Variants in PODN observed in about 807,000 individuals in gnomAD.
PODN encodes the protein podocan, also known as podocan proteoglycan.
PODN carries 40 observed loss-of-function variants against 52.7 expected under a neutral mutation model. The ratio of observed to expected loss-of-function variants is 0.76; its 90% CI spans 0.59 to 0.99. The LOEUF (loss-of-function observed/expected upper bound fraction) is 0.99. Among genes scored for constraint, PODN ranks in the 50% least tolerant of loss-of-function variants. PODN has a pLI of 0.00. For missense variants in PODN, 720 were observed against 815.1 expected, an observed-to-expected ratio of 0.88 and a Z score of 1.42; for synonymous variants, 396 against 377.9, an observed-to-expected ratio of 1.05 and a Z score of -0.56.
intron 3 of PODN, among the ~76,000 whole-genome samples, chr1:53,072,088 AAAAATAAAATAATAT>A (rs1188716740): frequency 2.7e-5 from 4 of 150,094 alleles, no homozygotes; most frequent in African/African-American, 9.7e-5. Flanking sequence ...AAAATAAATA[AAAAATAAAATAATAT>A]AAAATAAAAT....
At chr1:53,081,074 C>T (rs1249615361) in intron 9 of PODN, among the ~76,000 whole-genome samples, 198 bp downstream of exon 9, 2 of 152,246 alleles carry the variant, frequency 1.3e-5, no homozygotes, top group Non-Finnish European at 2.9e-5. Flanking sequence ...ACGTTAGAAG[C>T]CAGTGCGCAT....
At chr1:53,073,243 C>T (rs1644145676) in intron 3 of PODN, 2 of 216,606 alleles carry the variant, frequency 9.2e-6, no homozygotes, top group Non-Finnish European at 2.0e-5. Context: ...GTTTCCCATG[C>T]TCTTCAATTT....
At position 53,082,167 on chromosome 1, in the gene PODN, A is replaced by C; in HGVS notation, c.*6A>C. 1.3e-6 allele frequency: 2 copies of C among 1,595,142 alleles called. No homozygotes were observed. Among genetic ancestry groups the C allele is most frequent in the Non-Finnish European group, 1.7e-6 (2 of 1,171,414 alleles). ...AGGAAGAGGAAACAAGATAGTGACA[A>C]GGTGATGCAGATGTGACCTAGGTAT... On this transcript the variant is annotated 3_prime_UTR_variant, in exon 10 of 11. Transcript: ENST00000312553.
At chr1:53,076,080 T>TGAGTG in intron 5 of PODN, 109 bp downstream of exon 5, 1 of 958,520 alleles carries the variant, frequency 1.0e-6, no homozygotes, top group Non-Finnish European at 1.6e-6. Context: ...GGCCCTGCAC[T>TGAGTG]CAGGGCTGTG....
In PODN at chr1:53,071,574, C is replaced by T. The variant is rs369047168; in HGVS notation, c.352C>T (p.Arg118Trp). The T allele has an allele frequency of 4.4e-5, 71 of 1,613,890 alleles. No individual in the cohort carries two copies. The highest frequency in any genetic ancestry group is 2.7e-4 in the African/African-American group (20 of 74,936). Reference sequence around the variant, plus strand: ...AAAGATCTACCCTGAGGAGCTCTCCCGGCTGCACCGGCTGGAGACGCTGAA... The same window carrying T: ...AAAGATCTACCCTGAGGAGCTCTCCTGGCTGCACCGGCTGGAGACGCTGAA... ...LEKIYPEELSRLHRLETLNLQ... is the reference protein window; with the variant it reads ...LEKIYPEELSWLHRLETLNLQ... The change falls in exon 3 of 11, where the codon CGG becomes TGG. Residue 118 changes from arginine (R) to tryptophan (W), a missense_variant. Physicochemically the swap from Arg to Trp is moderately radical, Grantham distance 101. Coordinates refer to ENST00000312553, the MANE Select transcript of PODN (RefSeq NM_153703.5).
intron 4 of PODN, among the ~76,000 whole-genome samples, 164 bp from the exon 5 acceptor site, chr1:53,075,693 GGTTTT>G (rs1644184100): frequency 6.6e-6 from 1 of 152,106 alleles, no homozygotes; most frequent in Non-Finnish European, 1.5e-5. Context: ...CAGCCAGAGA[GGTTTT>G]GTTTTTGTTT....
chr1:53,063,318 G>A, intron 1 of PODN: 3 of 978,336 alleles, frequency 3.1e-6, no homozygotes, highest in Non-Finnish European at 3.6e-6. Context: ...TGCTCACCCA[G>A]CGCTTGGAGT....
rs892195355 is a variant in PODN at position 53,085,073 on chromosome 1, A to C, written c.*588A>C. 1.3e-5 allele frequency: 2 copies of C among 152,308 alleles called. No homozygotes were observed. Among genetic ancestry groups the C allele is most frequent in the African/African-American group, 4.8e-5 (2 of 41,458 alleles). The allele number at this position is 152,308 out of a possible 1,614,324, so 9.4% of individuals were successfully genotyped here. A position where few individuals can be genotyped will look rare whatever the true frequency, so the allele number is the denominator to read the frequency against. On this transcript the variant is annotated 3_prime_UTR_variant, in exon 11 of 11. Coordinates refer to ENST00000312553, the MANE Select transcript of PODN (RefSeq NM_153703.5). ...AGGTGCCTGCCACCCTCTGGAACTC[A>C]CAAAAGCTGGCTTTTATTCCTTTCC...
chr1:53,066,995 TG>T, intron 1 of PODN: 1 of 845,366 alleles, frequency 1.2e-6, no homozygotes, highest in Non-Finnish European at 1.8e-6. Flanking sequence ...CGGACTACAG[TG>T]GGGTCAGATG....
At position 53,077,199 on chromosome 1, in the gene PODN, C is replaced by A; in HGVS notation, c.591C>A (p.Tyr197Ter). 6.2e-7 allele frequency: 1 copy of A among 1,613,226 alleles called. No individual in the cohort carries two copies. Among genetic ancestry groups the A allele is most frequent in the Non-Finnish European group, 8.5e-7 (1 of 1,179,954 alleles). ...GTGCCTTGACCCCCAGGTCTGTGTA[C>A]CTGCACAACAACAAGCTGGCAGACG... ...FGQKPNLRSV[Y>*]LHNNKLADAG... Residue 197 changes from tyrosine to a stop codon, truncating the protein, a stop_gained, in exon 6 of 11, where the codon TAC becomes TAA. Transcript: ENST00000312553. LOFTEE classifies it high-confidence loss of function.
chr1:53,080,946 G>A, intron 9 of PODN, 70 bp downstream of exon 9: 16 of 1,576,068 alleles, frequency 1.0e-5, no homozygotes, highest in African/African-American at 1.3e-5. Context: ...GACAGTTGAT[G>A]CACGTGGGAA....
At chr1:53,067,036 C>T (rs183330181) in intron 1 of PODN, among the ~76,000 whole-genome samples, 4 of 152,236 alleles carry the variant, frequency 2.6e-5, no homozygotes, top group Admixed American at 1.3e-4. Context: ...TTGAGCTGGC[C>T]GTGGAGTTTA....
intron 7 of PODN, among the ~76,000 whole-genome samples, 174 bp from the exon 8 acceptor site, chr1:53,078,191 C>A (rs1644224794): frequency 2.0e-5 from 3 of 152,240 alleles, no homozygotes; most frequent in South Asian, 4.1e-4. Context: ...ATCCTTCCTA[C>A]ACCAGAATAT....
intron 8 of PODN, among the ~76,000 whole-genome samples, chr1:53,079,712 T>A (rs745875066): frequency 2.5e-4 from 38 of 152,184 alleles, no homozygotes; most frequent in Non-Finnish European, 4.0e-4. Context: ...GAAAGAGAAA[T>A]CCACTCTATA....
chr1:53,076,088 G>C, intron 5 of PODN, 117 bp downstream of exon 5: 1 of 856,954 alleles, frequency 1.2e-6, no homozygotes, highest in Admixed American at 2.1e-5. Flanking sequence ...ACTCAGGGCT[G>C]TGGTGGAGGG....
chr1:53,076,368 G>A (rs1644195107), intron 5 of PODN, among the ~76,000 whole-genome samples: 2 of 152,192 alleles, frequency 1.3e-5, no homozygotes, highest in Non-Finnish European at 1.5e-5. Context: ...TTTGGGGGCT[G>A]GACAACCCCA....
intron 1 of PODN, among the ~76,000 whole-genome samples, chr1:53,068,154 C>T (rs1180526896): frequency 6.6e-6 from 1 of 152,174 alleles, no homozygotes; most frequent in Non-Finnish European, 1.5e-5. Context: ...GTTATCATCC[C>T]CAAGGATGGG....
Position 53,070,032 on chromosome 1 carries a change from C to T in PODN, c.177C>T (p.Pro59=), listed in dbSNP as rs143779530. 4.4e-5 allele frequency: 71 copies of T among 1,612,776 alleles called. 1 individual carries two copies. Among genetic ancestry groups the T allele is most frequent in the South Asian group, 1.4e-4 (13 of 91,068 alleles). The part of the protein sequence containing the change: ...EPVLVLSPEE[P]GPGPAAVSCP... ...TGCTGGTACTGAGCCCTGAGGAGCC[C>T]GGGCCTGGCCCAGCCGCGGTCAGCT... is the stretch of plus-strand genomic sequence containing the variant. Residue 59 remains proline (P), a synonymous_variant, in exon 2 of 11, where the codon CCC becomes CCT. Coordinates refer to ENST00000312553, the MANE Select transcript of PODN (RefSeq NM_153703.5).
Position 53,082,123 on chromosome 1 carries a change from G to A in PODN, c.1804G>A (p.Glu602Lys), listed in dbSNP as rs777541159. 2 of 1,611,872 alleles carry A rather than the reference G, an allele frequency of 1.2e-6. No individual in the cohort carries two copies. The highest frequency in any genetic ancestry group is 1.7e-6 in the Non-Finnish European group (2 of 1,179,558). ...RGRLGKEKEE[E>K]EEEEEEEEET... Reference sequence around the variant, plus strand: ...CCGCTTGGGGAAGGAAAAGGAGGAGGAGGAAGAGGAGGAGGAGGAGGAAGA... The same window carrying A: ...CCGCTTGGGGAAGGAAAAGGAGGAGAAGGAAGAGGAGGAGGAGGAGGAAGA... The change falls in exon 10 of 11, where the codon GAG becomes AAG. Residue 602 changes from glutamate (E) to lysine (K), a missense_variant. Physicochemically the swap from Glu to Lys is moderately conservative, Grantham distance 56. Transcript: ENST00000312553.
Sources: gnomAD v4.1 joint callset for allele counts (sites outside exome capture counted in the v4.1 genomes callset) on GRCh38, gnomAD v4.1.1 for gene constraint, MANE v1.5 for transcripts, NCBI Gene and HGNC (gene_info 2026-07-23, HGNC 2026-07-21) for gene names.